SMARCB1: variants seen among roughly 807,000 people sequenced by gnomAD.
The protein encoded by SMARCB1 is SWI/SNF related BAF chromatin remodeling complex subunit B1.
SMARCB1 carries 5 observed loss-of-function variants against 49.0 expected under a neutral mutation model. That is an observed-to-expected ratio of 0.10 (90% CI 0.05 to 0.21). The LOEUF (loss-of-function observed/expected upper bound fraction) is 0.21, where lower values mean the gene tolerates loss of function less well. SMARCB1 is among the 10% of genes least tolerant of loss of function. The probability of loss-of-function intolerance (pLI) is 1.00; values close to 1 mark genes in which losing one functional copy is unlikely to be tolerated. For synonymous variants in SMARCB1, 201 were observed against 200.1 expected, an observed-to-expected ratio of 1.00 and a Z score of -0.04; for missense variants, 226 against 509.2, an observed-to-expected ratio of 0.44 and a Z score of 5.35.
chr22:23,801,624 G>T, intron 4 of SMARCB1: 1 of 343,094 alleles, frequency 2.9e-6, no homozygotes, highest in Non-Finnish European at 5.8e-6. Context: ...TTCCAGCTTT[G>T]GGGGCTGCCA....
intron 6 of SMARCB1, among the ~76,000 whole-genome samples, chr22:23,820,653 T>A (rs568159411): frequency 6.6e-6 from 1 of 152,372 alleles, no homozygotes; most frequent in Non-Finnish European, 1.5e-5. Flanking sequence ...GATTTTATTA[T>A]TGATTCAGTC....
intron 3 of SMARCB1, among the ~76,000 whole-genome samples, chr22:23,796,352 A>G (rs1430104794): frequency 1.3e-5 from 2 of 152,136 alleles, no homozygotes; most frequent in South Asian, 2.1e-4. Flanking sequence ...TGACCCATAC[A>G]TGGTATAATT....
chr22:23,798,762 G>A (rs529265747), intron 3 of SMARCB1, among the ~76,000 whole-genome samples: 1 of 151,952 alleles, frequency 6.6e-6, no homozygotes, highest in African/African-American at 2.4e-5. Flanking sequence ...ACTGTCAAAC[G>A]TTTGTCGGCC....
intron 3 of SMARCB1, among the ~76,000 whole-genome samples, chr22:23,799,488 G>T (rs538588313): frequency 2.7e-5 from 4 of 148,294 alleles, no homozygotes; most frequent in African/African-American, 9.9e-5. Context: ...ATGTTGGCCA[G>T]GCTGGTTTCG....
At position 23,787,397 on chromosome 22, in the gene SMARCB1, C is replaced by A. The variant is rs575117667; in HGVS notation, c.93+135C>A. The A allele has an allele frequency of 2.5e-3, 1,186 of 466,528 alleles. 14 individuals are homozygous for A. Among genetic ancestry groups the A allele is most frequent in the African/African-American group, 0.022 (1,042 of 48,154 alleles). The allele number at this position is 466,528 out of a possible 1,614,324, so 28.9% of individuals were successfully genotyped here. A position where few individuals can be genotyped will look rare whatever the true frequency, so the allele number is the denominator to read the frequency against. On this transcript the variant is annotated intron_variant, in intron 1 of 8. Transcript: ENST00000644036. ...CGCGCGCGCGCTCGGGGCTGTGGGG[C>A]GTGGCCTAGTGGGCGTGTCGGGTGT...
In SMARCB1 at chr22:23,837,140, G is replaced by A; in HGVS notation, c.*2960G>A. On this transcript the variant is annotated 3_prime_UTR_variant, in exon 9 of 9. Transcript: ENST00000644036. ...ACGTCCTCCAGGAAGTAGTAGATAT[G>A]GCCCACCGCAATCCCTGTGAGACAG... is the stretch of plus-strand genomic sequence containing the variant. The A allele has an allele frequency of 1.2e-6, 2 of 1,613,918 alleles. No individual in the cohort carries two copies. The highest frequency in any genetic ancestry group is 1.7e-5 in the Admixed American group (1 of 60,002).
rs993721470 is a variant in SMARCB1 at position 23,835,788 on chromosome 22, G to T, written c.*1608G>T. On this transcript the variant is annotated 3_prime_UTR_variant, in exon 9 of 9. Coordinates refer to ENST00000644036, the MANE Select transcript of SMARCB1 (RefSeq NM_003073.5). Reference sequence around the variant, plus strand: ...CCTGTGTCTCCACAACTGGGGGGATGGAAGGAACCTTGGCTGCCTCACCCC... The same window carrying T: ...CCTGTGTCTCCACAACTGGGGGGATTGAAGGAACCTTGGCTGCCTCACCCC... 3 of 985,494 alleles carry T rather than the reference G, an allele frequency of 3.0e-6. No individual in the cohort carries two copies. In the East Asian group the frequency reaches 3.4e-4, roughly 112 times the overall value. 61.0% of individuals were successfully genotyped at this position (985,494 alleles called of 1,614,324 possible).
intron 6 of SMARCB1, chr22:23,818,137 G>GGTGGGTGT (rs2029884535): frequency 7.5e-6 from 1 of 132,924 alleles, no homozygotes; most frequent in South Asian, 2.5e-4. Context: ...AAATACTTTG[G>GGTGGGTGT]GTGTGTGTGT....
chr22:23,787,312 C>T (rs775113072), intron 1 of SMARCB1, 50 bp downstream of exon 1: 6 of 1,216,736 alleles, frequency 4.9e-6, no homozygotes, highest in Non-Finnish European at 6.0e-6. Flanking sequence ...CCGCGGGAGC[C>T]CCGGGGCGGG....
chr22:23,812,883 T>TTAG (rs1373298530), intron 5 of SMARCB1, among the ~76,000 whole-genome samples: 2 of 148,554 alleles, frequency 1.3e-5, no homozygotes, highest in African/African-American at 5.2e-5. Flanking sequence ...TTTTTTTTTT[T>TTAG]AGACGGAGTA....
chr22:23,791,803 C>T lies in SMARCB1; in HGVS notation c.141C>T (p.Tyr47=), dbSNP rs1601388576. 1 of 1,613,280 alleles carries T rather than the reference C, an allele frequency of 6.2e-7. No homozygotes were observed. The highest frequency in any genetic ancestry group is 2.2e-5 in the East Asian group (1 of 44,868). The change falls in exon 2 of 9, where the codon TAC becomes TAT. Residue 47 remains tyrosine (Y), a synonymous_variant. Coordinates refer to ENST00000644036, the MANE Select transcript of SMARCB1 (RefSeq NM_003073.5). ...RMFRGSLYKR[Y]PSLWRRLATV... The stretch of plus-strand genomic sequence containing the variant: ...TCCGAGGTTCTCTGTACAAGAGATA[C>T]CCCTCACTCTGGAGGCGACTAGCCA...
At chr22:23,826,425 CAAAAAAAAAAA>C (rs5844570) in intron 7 of SMARCB1, among the ~76,000 whole-genome samples, 3 of 110,636 alleles carry the variant, frequency 2.7e-5, no homozygotes, top group Non-Finnish European at 5.9e-5. Flanking sequence ...ACCCTGTCTC[CAAAAAAAAAAA>C]AAAAAATAGC....
chr22:23,806,919 CAAA>C (rs61000279), intron 5 of SMARCB1, among the ~76,000 whole-genome samples: 14,214 of 86,574 alleles, frequency 0.16, 764 homozygotes, highest in South Asian at 0.26. Flanking sequence ...GACTCTATCT[CAAA>C]AAAAAAAAAA....
rs751567714 is a variant in SMARCB1 at position 23,787,154 on chromosome 22, C to T, written c.-16C>T. On this transcript the variant is annotated 5_prime_UTR_variant, in exon 1 of 9. Coordinates refer to ENST00000644036, the MANE Select transcript of SMARCB1 (RefSeq NM_003073.5). ...CCCTCGCAGCCCGGCTCCGGCCGCC[C>T]GCCTCTGCCGCCGCAATGATGATGA... is the stretch of plus-strand genomic sequence containing the variant. 19 of 1,582,124 alleles carry T rather than the reference C, an allele frequency of 1.2e-5. No individual in the cohort carries two copies. In the African/African-American group the frequency reaches 1.9e-4, roughly 16 times the overall value.
At chr22:23,829,953 C>G (rs1212801084) in intron 7 of SMARCB1, among the ~76,000 whole-genome samples, 1 of 152,214 alleles carries the variant, frequency 6.6e-6, no homozygotes, top group Non-Finnish European at 1.5e-5. Context: ...ATAATGTTTT[C>G]AAGGATTATC....
At chr22:23,787,332 C>G (rs887061032) in intron 1 of SMARCB1, 70 bp downstream of exon 1, 9 of 913,508 alleles carry the variant, frequency 9.9e-6, no homozygotes, top group Non-Finnish European at 1.5e-5. Context: ...GCCCATGCGC[C>G]GAGAGCGCGC....
At chr22:23,827,998 G>A (rs2030471941) in intron 7 of SMARCB1, among the ~76,000 whole-genome samples, 1 of 152,212 alleles carries the variant, frequency 6.6e-6, no homozygotes. Context: ...AGCTAGACCA[G>A]GAGTCCTGGC....
Position 23,825,360 on chromosome 22 carries a change from A to G in SMARCB1, c.931A>G (p.Ile311Val). ...GTTGGGCGGGGAGTTTGTCACCACC[A>G]TCGCATACAGCATCCGGGGACAGCT... ...LGLGGEFVTT[I>V]AYSIRGQLSW... Residue 311 changes from isoleucine (I) to valine (V), a missense_variant, in exon 7 of 9, where the codon ATC becomes GTC. Ile to Val is a conservative substitution (Grantham distance 29, BLOSUM62 3). Around this residue, in one of 6 missense-constraint regions of SMARCB1, gnomAD observed 35 missense variants for 107.2 expected, o/e 0.33. Coordinates refer to ENST00000644036, the MANE Select transcript of SMARCB1 (RefSeq NM_003073.5). 1.2e-6 allele frequency: 2 copies of G among 1,614,154 alleles called. No homozygotes were observed. The highest frequency in any genetic ancestry group is 1.7e-6 in the Non-Finnish European group (2 of 1,179,964).
intron 7 of SMARCB1, among the ~76,000 whole-genome samples, chr22:23,831,937 T>C (rs879815057): frequency 6.6e-6 from 1 of 152,168 alleles, no homozygotes; most frequent in Non-Finnish European, 1.5e-5. Flanking sequence ...TGGCCCTGCC[T>C]CTGCGTCACC....
Sources: gnomAD v4.1 joint callset for allele counts (sites outside exome capture counted in the v4.1 genomes callset) on GRCh38, gnomAD v4.1.1 for gene constraint, gnomAD v4.1.1 regional missense constraint, MANE v1.5 for transcripts, NCBI Gene and HGNC (gene_info 2026-07-23, HGNC 2026-07-21) for gene names.